The following PTH2R variants were observed in gnomAD, a reference collection of about 807,000 sequenced individuals.
PTH2R encodes parathyroid hormone 2 receptor, also known as PTH2 receptor.
Under a neutral mutation model 60.3 loss-of-function variants are expected in PTH2R, and 59 were observed. That is an observed-to-expected ratio of 0.98 (90% confidence interval 0.79 to 1.22). The LOEUF (loss-of-function observed/expected upper bound fraction) is 1.22. Among genes scored for constraint, PTH2R ranks in the 50% most tolerant of loss-of-function variants. The probability of loss-of-function intolerance (pLI) is 0.00; values close to 1 mark genes in which losing one functional copy is unlikely to be tolerated. For synonymous variants in PTH2R, 256 were observed against 243.8 expected, an observed-to-expected ratio of 1.05 and a Z score of -0.47; for missense variants, 749 against 682.6, an observed-to-expected ratio of 1.10 and a Z score of -1.08.
chr2:208,417,427 T>A (rs1474567451), intron 1 of PTH2R, among the ~76,000 whole-genome samples: 1 of 152,158 alleles, frequency 6.6e-6, no homozygotes, highest in Non-Finnish European at 1.5e-5. Flanking sequence ...GAAATGGTGT[T>A]GAAAATACAT....
chr2:208,436,326 G>A (rs1702074251), intron 2 of PTH2R, among the ~76,000 whole-genome samples: 1 of 152,114 alleles, frequency 6.6e-6, no homozygotes, highest in African/African-American at 2.4e-5. Flanking sequence ...CAGACCCTAT[G>A]GGCACTTCAG....
intron 4 of PTH2R, among the ~76,000 whole-genome samples, chr2:208,441,117 T>A (rs1175249504): frequency 2.0e-5 from 3 of 152,210 alleles, no homozygotes; most frequent in African/African-American, 7.2e-5. Context: ...AACTTCTGAG[T>A]AACCACCTTC....
chr2:208,487,709 G>A (rs1466328455), intron 10 of PTH2R, among the ~76,000 whole-genome samples: 4 of 152,154 alleles, frequency 2.6e-5, no homozygotes, highest in Non-Finnish European at 4.4e-5. Context: ...TTGTCAGCTG[G>A]GGCTGTGGTC....
At chr2:208,454,504 G>A (rs1204820138) in intron 8 of PTH2R, among the ~76,000 whole-genome samples, 1 of 152,160 alleles carries the variant, frequency 6.6e-6, no homozygotes, top group African/African-American at 2.4e-5. Context: ...GTGAGATGGA[G>A]GCTACTTACA....
intron 1 of PTH2R, among the ~76,000 whole-genome samples, chr2:208,388,143 C>CCG (rs1553540982): frequency 4.0e-5 from 6 of 148,858 alleles, no homozygotes; most frequent in African/African-American, 1.2e-4. Context: ...CCCCCCCCCC[C>CCG]GTCTCTACTA....
At chr2:208,422,601 C>G (rs115798464) in intron 1 of PTH2R, among the ~76,000 whole-genome samples, 1,589 of 152,094 alleles carry the variant, frequency 0.01, 24 homozygotes, top group African/African-American at 0.037. Context: ...GTGGTAGATT[C>G]TCATTTACTA....
intron 12 of PTH2R, 109 bp from the exon 13 acceptor site, chr2:208,493,155 C>T: frequency 8.3e-7 from 1 of 1,207,512 alleles, no homozygotes; most frequent in Non-Finnish European, 1.1e-6. Context: ...GTAGAGGAAC[C>T]TCAATCAATG....
intron 1 of PTH2R, among the ~76,000 whole-genome samples, chr2:208,381,107 GC>G (rs1227472679): frequency 6.6e-6 from 1 of 151,834 alleles, no homozygotes; most frequent in Admixed American, 6.6e-5. Flanking sequence ...TGTTTTTGGG[GC>G]CACCACTTAC....
intron 1 of PTH2R, among the ~76,000 whole-genome samples, chr2:208,377,059 G>A (rs930091181): frequency 2.6e-5 from 4 of 151,810 alleles, no homozygotes; most frequent in African/African-American, 9.7e-5. Flanking sequence ...TTGAGATTAG[G>A]GAGTGGTGAT....
chr2:208,489,286 A>G, intron 11 of PTH2R, 136 bp downstream of exon 11: 1 of 1,063,840 alleles, frequency 9.4e-7, no homozygotes, highest in Non-Finnish European at 1.3e-6. Context: ...CAGAAAGGTC[A>G]ATATTTCTAT....
intron 1 of PTH2R, among the ~76,000 whole-genome samples, chr2:208,410,178 T>C (rs1026119141): frequency 6.6e-6 from 1 of 152,194 alleles, no homozygotes; most frequent in Non-Finnish European, 1.5e-5. Context: ...GGAAAAATGG[T>C]AATCAGTAAT....
chr2:208,420,068 A>T (rs531351626), intron 1 of PTH2R, among the ~76,000 whole-genome samples: 3 of 150,932 alleles, frequency 2.0e-5, no homozygotes, highest in Non-Finnish European at 4.4e-5. Context: ...TCTCACTTAT[A>T]GGTGGGAATT....
chr2:208,450,006 T>C (rs188857996), intron 7 of PTH2R, among the ~76,000 whole-genome samples: 98 of 152,318 alleles, frequency 6.4e-4, no homozygotes, highest in African/African-American at 2.3e-3. Flanking sequence ...ATATAAGTTA[T>C]GGTTCATGAT....
In PTH2R at chr2:208,379,849, G is replaced by A. The variant is rs551700795; in HGVS notation, c.-259+19612G>A. ...CATTCCAGCCTGGGTGACACAGTGA[G>A]ACTCTGTCTTGAAAAAAAAAAAAAG... On this transcript the variant is annotated intron_variant, in intron 1 of 12. Coordinates refer to the PTH2R transcript ENST00000617735. Among the ~76,000 whole-genome samples the A allele has an allele frequency of 2.0e-5, 3 of 151,012 alleles. No individual in the cohort carries two copies. In the South Asian group the frequency reaches 6.3e-4, roughly 31 times the overall value.
intron 1 of PTH2R, among the ~76,000 whole-genome samples, chr2:208,426,263 A>G (rs796901564): frequency 4.6e-5 from 7 of 152,358 alleles, no homozygotes; most frequent in South Asian, 4.1e-4. Flanking sequence ...ATTTCAAATC[A>G]TAAATGATCA....
intron 1 of PTH2R, among the ~76,000 whole-genome samples, chr2:208,362,867 A>G (rs946026032): frequency 1.3e-5 from 2 of 150,370 alleles, no homozygotes; most frequent in African/African-American, 2.5e-5. Context: ...TGTGTGTTTA[A>G]TGGCTGTCCT....
At chr2:208,362,407 T>C (rs751489984) in intron 1 of PTH2R, among the ~76,000 whole-genome samples, 5 of 152,222 alleles carry the variant, frequency 3.3e-5, no homozygotes, top group South Asian at 2.1e-4. Flanking sequence ...AGATGTCTCA[T>C]ATATATATCA....
intron 10 of PTH2R, among the ~76,000 whole-genome samples, chr2:208,487,182 A>G (rs2105910288): frequency 6.6e-6 from 1 of 152,342 alleles, no homozygotes; most frequent in Non-Finnish European, 1.5e-5. Context: ...GCCTGAGAAT[A>G]TTATAGCTCA....
At chr2:208,435,928 A>T (rs932730267) in intron 2 of PTH2R, among the ~76,000 whole-genome samples, 2 of 152,208 alleles carry the variant, frequency 1.3e-5, no homozygotes, top group Non-Finnish European at 2.9e-5. Flanking sequence ...TCTATTTTTG[A>T]GAAGTTGGGG....
Sources: gnomAD v4.1 joint callset for allele counts (sites outside exome capture counted in the v4.1 genomes callset) on GRCh38, gnomAD v4.1.1 for gene constraint, MANE v1.5 for transcripts, NCBI Gene and HGNC (gene_info 2026-07-23, HGNC 2026-07-21) for gene names.